DTNB: variants seen among roughly 807,000 people sequenced by gnomAD.
DTNB encodes dystrobrevin beta.
In DTNB, 63 loss-of-function variants were observed where a neutral mutation model predicts 90.7. That is an observed-to-expected ratio of 0.69 (90% confidence interval 0.57 to 0.86). The LOEUF is 0.86. DTNB is among the 40% of genes least tolerant of loss of function. The pLI, the probability that DTNB is intolerant of heterozygous loss-of-function variation, is 0.00. For synonymous variants in DTNB, 277 were observed against 286.7 expected, an observed-to-expected ratio of 0.97 and a Z score of 0.34; for missense variants, 744 against 807.1, an observed-to-expected ratio of 0.92 and a Z score of 0.95.
chr2:25,409,931 A>G (rs1438743944), intron 16 of DTNB, among the ~76,000 whole-genome samples: 1 of 152,206 alleles, frequency 6.6e-6, no homozygotes, highest in East Asian at 1.9e-4. Flanking sequence ...CTGCCTGGCT[A>G]TGGGACATAA....
intron 4 of DTNB, among the ~76,000 whole-genome samples, chr2:25,616,134 C>A (rs562326243): frequency 1.3e-5 from 2 of 152,276 alleles, no homozygotes; most frequent in Admixed American, 1.3e-4. Flanking sequence ...CTATTCCTTG[C>A]TGCAGAAAAG....
In DTNB at chr2:25,662,683, C is replaced by CAA. The variant is rs1461120373; in HGVS notation, c.-1-10023_-1-10022insTT. ...ACACACACACACACACACACACAAA[C>CAA]ACACACACACACACACACACACACA... On this transcript the variant is annotated intron_variant, in intron 1 of 20. Transcript: ENST00000406818. Among the ~76,000 whole-genome samples the CAA allele has an allele frequency of 7.9e-3, 804 of 101,608 alleles. 6 individuals are homozygous for CAA. Among genetic ancestry groups the CAA allele is most frequent in the African/African-American group, 0.027 (735 of 26,810 alleles). 66.7% of individuals were successfully genotyped at this position (101,608 alleles called of 152,430 possible).
intron 5 of DTNB, among the ~76,000 whole-genome samples, chr2:25,599,331 T>C (rs1423228168): frequency 1.4e-5 from 2 of 147,000 alleles, no homozygotes; most frequent in East Asian, 1.9e-4. Context: ...ACATTACTGT[T>C]TGAACTAACT....
intron 9 of DTNB, among the ~76,000 whole-genome samples, chr2:25,503,637 G>A (rs774165439): frequency 3.3e-5 from 5 of 151,490 alleles, no homozygotes; most frequent in African/African-American, 7.3e-5. Context: ...AAAAGAGGCC[G>A]GGCACAGTGG....
At chr2:25,397,337 CAAAAAA>C (rs749225408) in intron 16 of DTNB, among the ~76,000 whole-genome samples, 1 of 63,412 alleles carries the variant, frequency 1.6e-5, no homozygotes, top group Non-Finnish European at 3.3e-5. Context: ...GACTCTGTCT[CAAAAAA>C]AAAAAAAAAA....
chr2:25,594,292 T>C (rs917194254), intron 6 of DTNB, among the ~76,000 whole-genome samples: 2 of 152,206 alleles, frequency 1.3e-5, no homozygotes, highest in African/African-American at 2.4e-5. Flanking sequence ...CTGATGCTGA[T>C]TGCCATTTAT....
chr2:25,430,498 G>A (rs548912350), intron 14 of DTNB, among the ~76,000 whole-genome samples: 1 of 151,456 alleles, frequency 6.6e-6, no homozygotes, highest in African/African-American at 2.4e-5. Context: ...CAACCACAGA[G>A]AACGATCCTA....
chr2:25,490,848 G>A (rs753110441), intron 9 of DTNB, among the ~76,000 whole-genome samples: 12 of 151,900 alleles, frequency 7.9e-5, no homozygotes, highest in East Asian at 1.9e-4. Flanking sequence ...CACAATAGTC[G>A]TATACAATTA....
At chr2:25,389,552 G>A (rs1261855149) in intron 16 of DTNB, among the ~76,000 whole-genome samples, 1 of 152,244 alleles carries the variant, frequency 6.6e-6, no homozygotes, top group Non-Finnish European at 1.5e-5. Context: ...GCCGCTCACT[G>A]AGATGTGGGC....
chr2:25,396,731 T>A (rs1171470027), intron 16 of DTNB, among the ~76,000 whole-genome samples: 446 of 87,022 alleles, frequency 5.1e-3, no homozygotes, highest in East Asian at 6.7e-3. Context: ...TAAAAGGAAC[T>A]AAAAAAAAAA....
At chr2:25,601,953 C>T (rs2065974736) in intron 5 of DTNB, among the ~76,000 whole-genome samples, 1 of 152,042 alleles carries the variant, frequency 6.6e-6, no homozygotes, top group Non-Finnish European at 1.5e-5. Context: ...GAAACCCGGC[C>T]TCTACTGAAA....
rs574411973 is a variant in DTNB at position 25,420,698 on chromosome 2, GTC to G, written c.1555-1165_1555-1164del. Among the ~76,000 whole-genome samples, 5 of 152,246 alleles carry G rather than the reference GTC, an allele frequency of 3.3e-5. No individual in the cohort carries two copies. The South Asian group carries it at 1.0e-3, about 32-fold the overall frequency. Reference sequence around the variant, plus strand: ...GGGTTTCACCATGTTGGTCAGGCTGGTCTCTAACTCCTGACCTCAGGTGATCC... The same window carrying G: ...GGGTTTCACCATGTTGGTCAGGCTGGTCTAACTCCTGACCTCAGGTGATCC... On this transcript the variant is annotated intron_variant, in intron 15 of 20. Transcript: ENST00000406818.
intron 12 of DTNB, 89 bp downstream of exon 12, chr2:25,451,459 C>T: frequency 3.6e-6 from 5 of 1,382,082 alleles, no homozygotes; most frequent in Non-Finnish European, 4.9e-6. Flanking sequence ...ACCTGTTCTC[C>T]TAAATTTCAT....
At chr2:25,577,942 G>C (rs1196326943) in intron 7 of DTNB, among the ~76,000 whole-genome samples, 1 of 152,180 alleles carries the variant, frequency 6.6e-6, no homozygotes, top group East Asian at 1.9e-4. Flanking sequence ...GGAGGTTGCA[G>C]TGAGCCAAGA....
rs867297346 is a variant in DTNB, at chr2:25,630,831, T to C, written c.149-2447A>G. The stretch of plus-strand genomic sequence containing the variant: ...TGCACTCCAGCCTGGGCAACAAGAG[T>C]GAAACTCCGTCCCAAAAAAAAAAAA... On this transcript the variant is annotated intron_variant, in intron 3 of 20. Transcript: ENST00000406818. Among the ~76,000 whole-genome samples the C allele has an allele frequency of 3.3e-5, 3 of 91,266 alleles. No individual in the cohort carries two copies. In the South Asian group the frequency reaches 9.8e-4, roughly 30 times the overall value. 59.9% of individuals were successfully genotyped at this position (91,266 alleles called of 152,430 possible). A position where few individuals can be genotyped will look rare whatever the true frequency, so the allele number is the denominator to read the frequency against.
intron 6 of DTNB, among the ~76,000 whole-genome samples, chr2:25,586,261 A>G (rs1163972366): frequency 1.3e-5 from 2 of 152,166 alleles, no homozygotes; most frequent in African/African-American, 4.8e-5. Flanking sequence ...CTATAATCCC[A>G]ACACTTTGGG....
intron 1 of DTNB, among the ~76,000 whole-genome samples, chr2:25,660,452 A>G (rs1256080390): frequency 6.6e-6 from 1 of 152,164 alleles, no homozygotes; most frequent in Admixed American, 6.5e-5. Flanking sequence ...GTGAATAGGG[A>G]GTAACTGCTA....
chr2:25,582,257 G>A (rs1236154196), intron 6 of DTNB, among the ~76,000 whole-genome samples: 4 of 152,036 alleles, frequency 2.6e-5, no homozygotes, highest in Admixed American at 1.3e-4. Flanking sequence ...CCTGAAGGAC[G>A]GAGGCCCCCA....
At position 25,455,458 on chromosome 2, in the gene DTNB, G is replaced by C. The variant is rs755885793; in HGVS notation, c.1116C>G (p.Ala372=). The C allele has an allele frequency of 6.2e-7, 1 of 1,607,484 alleles. No individual in the cohort carries two copies. The highest frequency in any genetic ancestry group is 1.3e-5 in the African/African-American group (1 of 74,732). Residue 372 remains alanine, a synonymous_variant, in exon 11 of 21, where the codon GCC becomes GCG. Coordinates refer to ENST00000406818, the MANE Select transcript of DTNB (RefSeq NM_021907.5). ...AGGAGGCTATCAGCGCATGCTCATC[G>C]GCCAAGTGACTGGGTATATCCTGGC... is the stretch of plus-strand genomic sequence containing the variant. ...QYSQDIPSHL[A]DEHALIASYV...
Sources: gnomAD v4.1 joint callset for allele counts (sites outside exome capture counted in the v4.1 genomes callset) on GRCh38, gnomAD v4.1.1 for gene constraint, MANE v1.5 for transcripts, NCBI Gene and HGNC (gene_info 2026-07-23, HGNC 2026-07-21) for gene names.